The following RRP1 variants were observed in gnomAD, a reference collection of about 807,000 sequenced individuals.
RRP1 encodes ribosomal RNA processing protein 1 homolog A.
Under a neutral mutation model 54.6 loss-of-function variants are expected in RRP1, and 37 were observed. The observed-to-expected ratio is 0.68, with a 90% CI of 0.52 to 0.89. The LOEUF (loss-of-function observed/expected upper bound fraction) is 0.89. RRP1 is among the 40% of genes least tolerant of loss of function. The pLI is 0.00. For missense variants in RRP1, 639 were observed against 612.5 expected, an observed-to-expected ratio of 1.04 and a Z score of -0.46; for synonymous variants, 262 against 244.3, an observed-to-expected ratio of 1.07 and a Z score of -0.67.
At chr21:43,800,738 C>A in intron 10 of RRP1, 124 bp downstream of exon 10, 1 of 1,479,670 alleles carries the variant, frequency 6.8e-7, no homozygotes, top group Non-Finnish European at 9.1e-7. Context: ...CCCGCTAGGA[C>A]CCTGAGACCG....
Position 43,804,085 on chromosome 21 carries a change from G to T in RRP1, c.*311G>T. 4.1e-6 allele frequency: 1 copy of T among 245,960 alleles called. No individual in the cohort carries two copies. Among genetic ancestry groups the T allele is most frequent in the East Asian group, 5.9e-5 (1 of 16,946 alleles). 15.2% of individuals were successfully genotyped at this position (245,960 alleles called of 1,614,324 possible). A position where few individuals can be genotyped will look rare whatever the true frequency, so the allele number is the denominator to read the frequency against. ...TGGGGGGTTCAGAAAATAAAATGCC[G>T]CGCAGCCCTTGCCAGGGGAAGTGTC... On this transcript the variant is annotated 3_prime_UTR_variant, in exon 13 of 13. Transcript: ENST00000497547. The surrounding 1 kb of genome is among the most constrained non-coding windows in gnomAD (Gnocchi z 4.3).
intron 11 of RRP1, among the ~76,000 whole-genome samples, chr21:43,801,805 A>G (rs1234822970): frequency 6.6e-6 from 1 of 152,166 alleles, no homozygotes; most frequent in African/African-American, 2.4e-5. Context: ...TAGGCTGTAG[A>G]CTTTGGTGTA....
intron 11 of RRP1, 116 bp downstream of exon 11, chr21:43,800,997 C>T: frequency 1.7e-6 from 2 of 1,152,342 alleles, no homozygotes; most frequent in Non-Finnish European, 2.6e-6. Flanking sequence ...GCAGAGAGGC[C>T]TGGTGGTGTT....
chr21:43,792,536 C>G (rs1321681782), intron 2 of RRP1, 136 bp from the exon 3 acceptor site: 1 of 841,538 alleles, frequency 1.2e-6, no homozygotes, highest in Admixed American at 2.0e-5. Context: ...CTCCAGTGCA[C>G]TGAGCTGAGA....
At chr21:43,791,483 A>G (rs765203493) in intron 2 of RRP1, 51 bp downstream of exon 2, 12 of 1,521,354 alleles carry the variant, frequency 7.9e-6, no homozygotes, top group South Asian at 1.1e-5. Flanking sequence ...GGGAGGATGG[A>G]TGGGCATCTG....
chr21:43,803,421 T>C, intron 12 of RRP1, 91 bp from the exon 13 acceptor site: 1 of 1,450,632 alleles, frequency 6.9e-7, no homozygotes, highest in Non-Finnish European at 9.2e-7. Context: ...CTCCCAGGTC[T>C]GTGGTGCTGG....
intron 8 of RRP1, 110 bp downstream of exon 8, chr21:43,798,210 G>T: frequency 1.1e-6 from 1 of 906,912 alleles, no homozygotes; most frequent in Non-Finnish European, 1.6e-6. Flanking sequence ...CCTTGTCTCT[G>T]CCCCTCTCCA....
chr21:43,802,816 T>C (rs1467689753), intron 12 of RRP1, among the ~76,000 whole-genome samples: 1 of 152,264 alleles, frequency 6.6e-6, no homozygotes, highest in East Asian at 1.9e-4. Flanking sequence ...CTGCCTTCCG[T>C]GTTGGGCCTC....
At position 43,803,994 on chromosome 21, in the gene RRP1, T is replaced by C. The variant is rs1195647895; in HGVS notation, c.*220T>C. ...GCCTCCGCCTGTGGCTGTGATGACC[T>C]TGGGCCAGAAGGTCAAACTCCGAAG... On this transcript the variant is annotated 3_prime_UTR_variant, in exon 13 of 13. Coordinates refer to ENST00000497547, the MANE Select transcript of RRP1 (RefSeq NM_003683.6). 1.8e-5 allele frequency: 10 copies of C among 553,860 alleles called. No individual in the cohort carries two copies. Among genetic ancestry groups the C allele is most frequent in the South Asian group, 6.7e-5 (2 of 29,702 alleles). 34.3% of individuals were successfully genotyped at this position (553,860 alleles called of 1,614,324 possible).
intron 10 of RRP1, 115 bp downstream of exon 10, chr21:43,800,729 C>A: frequency 6.7e-7 from 1 of 1,497,934 alleles, no homozygotes; most frequent in Non-Finnish European, 9.1e-7. Flanking sequence ...GGGGTGATCC[C>A]CGCTAGGACC....
intron 1 of RRP1, 92 bp downstream of exon 1, chr21:43,789,854 C>T: frequency 2.2e-6 from 3 of 1,352,684 alleles, no homozygotes; most frequent in African/African-American, 1.6e-5. Context: ...GCCCTCCGAG[C>T]CCTGTGGAAC....
intron 1 of RRP1, among the ~76,000 whole-genome samples, 200 bp downstream of exon 1, chr21:43,789,962 C>T (rs1438550846): frequency 6.6e-6 from 1 of 151,990 alleles, no homozygotes; most frequent in Non-Finnish European, 1.5e-5. Flanking sequence ...GGTGCGGTGA[C>T]TCTGGTCCCT....
chr21:43,789,888 G>A, intron 1 of RRP1, 126 bp downstream of exon 1: 1 of 1,226,422 alleles, frequency 8.2e-7, no homozygotes, highest in Middle Eastern at 2.9e-4. Flanking sequence ...GGCCGGGCAG[G>A]CGGGGTCCAC....
At chr21:43,793,142 A>C in intron 3 of RRP1, 177 bp from the exon 4 acceptor site, 1 of 620,122 alleles carries the variant, frequency 1.6e-6, no homozygotes, top group Non-Finnish European at 2.8e-6. Flanking sequence ...AGGAGCCTCT[A>C]AAAATCCTCA....
In RRP1 at chr21:43,797,628, T is replaced by C; in HGVS notation, c.553-3T>C. 6.2e-7 allele frequency: 1 copy of C among 1,614,218 alleles called. No individual in the cohort carries two copies. Among genetic ancestry groups the C allele is most frequent in the South Asian group, 1.1e-5 (1 of 91,088 alleles). On this transcript the variant is annotated splice_region_variant and splice_polypyrimidine_tract_variant and intron_variant, in intron 6 of 12. Coordinates refer to ENST00000497547, the MANE Select transcript of RRP1 (RefSeq NM_003683.6). ...ACTGAGCTCCCGCTGGCTTTCCCCG[T>C]AGCTTACGGCAGACCAGAACCTGAA...
Position 43,802,338 on chromosome 21 carries a change from G to A in RRP1, c.1074G>A (p.Gln358=). The A allele has an allele frequency of 6.2e-7, 1 of 1,614,030 alleles. No homozygotes were observed. Among genetic ancestry groups the A allele is most frequent in the Non-Finnish European group, 8.5e-7 (1 of 1,179,996 alleles). ...GGCGCCTGCTTGAAGGGAGGCGGCA[G>A]AAGAAGACGAAGAAGCAGAAGCGTC... The part of the protein sequence containing the change: ...ACRRLLEGRR[Q]KKTKKQKRLL... The change falls in exon 12 of 13, where the codon CAG becomes CAA. Residue 358 remains glutamine, a synonymous_variant. Coordinates refer to ENST00000497547, the MANE Select transcript of RRP1 (RefSeq NM_003683.6).
intron 8 of RRP1, among the ~76,000 whole-genome samples, chr21:43,798,332 G>A (rs1230039614): frequency 1.3e-5 from 2 of 152,058 alleles, no homozygotes; most frequent in East Asian, 1.9e-4. Flanking sequence ...GGACCCCTGG[G>A]CTCCTCGGTC....
At position 43,800,727 on chromosome 21, in the gene RRP1, C is replaced by G; in HGVS notation, c.989+113C>G. On this transcript the variant is annotated intron_variant, in intron 10 of 12. Coordinates refer to ENST00000497547, the MANE Select transcript of RRP1 (RefSeq NM_003683.6). ...GCCCTTCCGCAGCCCCCGGGGTGAT[C>G]CCCGCTAGGACCCTGAGACCGTCCC... 5 of 1,498,966 alleles carry G rather than the reference C, an allele frequency of 3.3e-6. No individual in the cohort carries two copies. In the South Asian group the frequency reaches 5.7e-5, roughly 17 times the overall value. The allele number at this position is 1,498,966 out of a possible 1,614,324, so 92.9% of individuals were successfully genotyped here. A position where few individuals can be genotyped will look rare whatever the true frequency, so the allele number is the denominator to read the frequency against.
Position 43,800,622 on chromosome 21 carries a change from T to C in RRP1, c.989+8T>C. ...CTACAAAGTGATCCGGAAGTGAGTGTGTGAGGGCGCTGCGTCCTCCCTGCT... is the reference window on the plus strand; with the variant it reads ...CTACAAAGTGATCCGGAAGTGAGTGCGTGAGGGCGCTGCGTCCTCCCTGCT... On this transcript the variant is annotated splice_region_variant and intron_variant, in intron 10 of 12. Transcript: ENST00000497547. 1.2e-6 allele frequency: 2 copies of C among 1,613,352 alleles called. No homozygotes were observed. Among genetic ancestry groups the C allele is most frequent in the Non-Finnish European group, 1.7e-6 (2 of 1,179,278 alleles).
Sources: allele counts gnomAD v4.1 joint callset (sites outside exome capture counted in the v4.1 genomes callset), GRCh38; gene constraint gnomAD v4.1.1; non-coding constraint Gnocchi (gnomAD v3.1); transcripts MANE v1.5; gene names NCBI Gene and HGNC (gene_info 2026-07-23, HGNC 2026-07-21).